The following CPQ variants were observed in gnomAD, a reference collection of about 807,000 sequenced individuals.
CPQ encodes Ser-Met dipeptidase.
CPQ carries 37 observed loss-of-function variants against 45.7 expected under a neutral mutation model. The ratio of observed to expected loss-of-function variants is 0.81; its 90% CI spans 0.62 to 1.07. The LOEUF (loss-of-function observed/expected upper bound fraction) is 1.07, where lower values mean the gene tolerates loss of function less well. CPQ is among the 50% of genes least tolerant of loss of function. The pLI, the probability that CPQ is intolerant of heterozygous loss-of-function variation, is 0.00. For missense variants in CPQ, 537 were observed against 572.9 expected (o/e 0.94, Z 0.64); for synonymous variants, 186 against 205.8 (o/e 0.90, Z 0.82).
In CPQ at chr8:96,962,264, A is replaced by G. The variant is rs1813472347; in HGVS notation, c.850-3671A>G. Among the ~76,000 whole-genome samples, 3 of 152,224 alleles carry G rather than the reference A, an allele frequency of 2.0e-5. No homozygotes were observed. The South Asian group carries it at 6.2e-4, about 32-fold the overall frequency. On this transcript the variant is annotated intron_variant, in intron 4 of 7. Transcript: ENST00000220763. ...TCTGCCTTTCTAGTTGTTTTGTTAC[A>G]GCTGCTACTGCTGTTGTTGTTTTCA... is the stretch of plus-strand genomic sequence containing the variant.
intron 1 of CPQ, among the ~76,000 whole-genome samples, chr8:96,692,458 C>A (rs964832604): frequency 6.6e-6 from 1 of 152,200 alleles, no homozygotes; most frequent in African/African-American, 2.4e-5. Context: ...TGTGCCACCC[C>A]TCTCCCAGCT....
intron 7 of CPQ, among the ~76,000 whole-genome samples, chr8:97,116,874 A>G (rs562857835): frequency 3.3e-5 from 5 of 152,366 alleles, no homozygotes; most frequent in South Asian, 4.1e-4. Context: ...CCTTTGGCCT[A>G]TGGCCTTTGG....
chr8:96,851,729 A>G (rs1227914443), intron 3 of CPQ, among the ~76,000 whole-genome samples: 1 of 152,202 alleles, frequency 6.6e-6, no homozygotes, highest in African/African-American at 2.4e-5. Context: ...CCATAGAATA[A>G]AGAAAACGAA....
intron 5 of CPQ, among the ~76,000 whole-genome samples, chr8:97,025,574 T>A (rs1015208045): frequency 6.6e-6 from 1 of 152,184 alleles, no homozygotes; most frequent in African/African-American, 2.4e-5. Flanking sequence ...CTTTCCCTCA[T>A]GTGCTTGCCT....
At chr8:97,044,579 G>T (rs1041380436) in intron 6 of CPQ, among the ~76,000 whole-genome samples, 1 of 152,126 alleles carries the variant, frequency 6.6e-6, no homozygotes, top group Non-Finnish European at 1.5e-5. Context: ...AGAGTTTCCA[G>T]TTTTTCTGCT....
At chr8:96,695,103 T>G (rs1809356687) in intron 1 of CPQ, among the ~76,000 whole-genome samples, 1 of 149,988 alleles carries the variant, frequency 6.7e-6, no homozygotes, top group Admixed American at 6.7e-5. Flanking sequence ...TATAGATCAA[T>G]GGAACAGAAC....
chr8:96,721,048 T>C (rs1441814157), intron 1 of CPQ, among the ~76,000 whole-genome samples: 1 of 152,066 alleles, frequency 6.6e-6, no homozygotes, highest in East Asian at 1.9e-4. Flanking sequence ...TTTTTAATCC[T>C]ATAGCAGCCA....
intron 4 of CPQ, among the ~76,000 whole-genome samples, chr8:96,955,508 A>C (rs1352900993): frequency 2.0e-5 from 3 of 152,156 alleles, no homozygotes; most frequent in Non-Finnish European, 2.9e-5. Flanking sequence ...TTCTTCACAG[A>C]ATTGGAAAAA....
chr8:96,889,084 C>G (rs912396196), intron 4 of CPQ, among the ~76,000 whole-genome samples: 7 of 152,086 alleles, frequency 4.6e-5, no homozygotes, highest in African/African-American at 1.4e-4. Context: ...TAGGAGAGGC[C>G]CATTAGGAGG....
intron 7 of CPQ, among the ~76,000 whole-genome samples, chr8:97,122,927 TAAATA>T (rs1313373275): frequency 0.09 from 3,485 of 38,510 alleles, 295 homozygotes; most frequent in East Asian, 0.22. Flanking sequence ...TAAAATAAAA[TAAATA>T]AAATAAAATA....
intron 3 of CPQ, among the ~76,000 whole-genome samples, chr8:96,851,979 G>A (rs1344635537): frequency 6.6e-6 from 1 of 152,172 alleles, no homozygotes; most frequent in East Asian, 1.9e-4. Context: ...CAACTCGAAA[G>A]GCAAAAGGCA....
chr8:96,934,956 A>T (rs1482924584), intron 4 of CPQ, among the ~76,000 whole-genome samples: 1 of 152,164 alleles, frequency 6.6e-6, no homozygotes, highest in East Asian at 1.9e-4. Context: ...ATACATTTTG[A>T]TTACTTAACC....
rs975793840 is a variant in CPQ, at chr8:96,924,303, T to C, written c.850-41632T>C. ...AGTACCAGGGTGGGCATTTACTCTA[T>C]GTAATGTGCAGAAACACAGCACTGT... On this transcript the variant is annotated intron_variant, in intron 4 of 7. Coordinates refer to ENST00000220763, the MANE Select transcript of CPQ (RefSeq NM_016134.4). Among the ~76,000 whole-genome samples, 4 of 152,186 alleles carry C rather than the reference T, an allele frequency of 2.6e-5. No homozygotes were observed. The East Asian group carries it at 5.8e-4, about 22-fold the overall frequency.
chr8:97,124,225 CAAAAAAA>C (rs34933920), intron 7 of CPQ, among the ~76,000 whole-genome samples: 224 of 42,572 alleles, frequency 5.3e-3, no homozygotes, highest in Non-Finnish European at 7.3e-3. Context: ...GACTCCGTCT[CAAAAAAA>C]AAAAAAAAAA....
intron 7 of CPQ, among the ~76,000 whole-genome samples, chr8:97,126,910 T>G (rs888581772): frequency 1.3e-5 from 2 of 152,166 alleles, no homozygotes; most frequent in African/African-American, 4.8e-5. Flanking sequence ...ACAAGGTTAT[T>G]CAACGGGAAA....
At chr8:97,110,625 C>G (rs1811484491) in intron 7 of CPQ, among the ~76,000 whole-genome samples, 1 of 152,114 alleles carries the variant, frequency 6.6e-6, no homozygotes, top group Non-Finnish European at 1.5e-5. Context: ...CACATCCATC[C>G]CCTACTTCTG....
chr8:96,688,135 AG>A, intron 1 of CPQ, among the ~76,000 whole-genome samples: 1 of 145,116 alleles, frequency 6.9e-6, no homozygotes, highest in African/African-American at 2.9e-5. Context: ...CTGGGTAATT[AG>A]ATAGTCATAA....
rs1809503391 is a variant in CPQ, at chr8:97,012,389, G to A, written c.962-17014G>A. ...ATGTATTAAATGTTGAAATTTAAAT[G>A]TTGGGGCATGTTCTTGAAATGGTGA... is the stretch of plus-strand genomic sequence containing the variant. On this transcript the variant is annotated intron_variant, in intron 5 of 7. Transcript: ENST00000220763. Among the ~76,000 whole-genome samples the A allele has an allele frequency of 2.0e-5, 3 of 152,308 alleles. No individual in the cohort carries two copies. The South Asian group carries it at 6.2e-4, about 32-fold the overall frequency.
intron 6 of CPQ, among the ~76,000 whole-genome samples, chr8:97,031,397 A>G (rs899437008): frequency 5.3e-5 from 8 of 152,144 alleles, no homozygotes; most frequent in African/African-American, 1.9e-4. Context: ...CGTGTTAGCC[A>G]GGACAGTCTC....
Sources: gnomAD v4.1 joint callset for allele counts (sites outside exome capture counted in the v4.1 genomes callset) on GRCh38, gnomAD v4.1.1 for gene constraint, MANE v1.5 for transcripts, NCBI Gene and HGNC (gene_info 2026-07-23, HGNC 2026-07-21) for gene names.